The following GALNT13 variants were observed in gnomAD, a reference collection of about 807,000 sequenced individuals.
GALNT13 encodes the protein polypeptide N-acetylgalactosaminyltransferase 13.
A neutral mutation model predicts 64.2 loss-of-function variants in GALNT13; 28 were observed. The ratio of observed to expected loss-of-function variants is 0.44; its 90% CI spans 0.32 to 0.60. The LOEUF is 0.60. Ranked by LOEUF, GALNT13 falls within the 20% of genes least tolerant of loss-of-function variation. GALNT13 has a pLI of 0.05. For missense variants in GALNT13, 577 were observed against 669.8 expected (o/e 0.86, Z 1.53); for synonymous variants, 214 against 224.6 (o/e 0.95, Z 0.42).
chr2:154,084,337 A>G (rs1701421985), intron 3 of GALNT13, among the ~76,000 whole-genome samples: 1 of 151,898 alleles, frequency 6.6e-6, no homozygotes, highest in African/African-American at 2.4e-5. Flanking sequence ...CATAGTTTCT[A>G]CTATACCAGT....
the GALNT13 span, among the ~76,000 whole-genome samples, chr2:153,256,445 C>G: frequency 3.3e-5 from 5 of 152,140 alleles, no homozygotes; most frequent in Non-Finnish European, 5.9e-5. Context: ...ATTTGATCAT[C>G]TGAAGCCTTC....
chr2:153,192,450 A>C, the GALNT13 span, among the ~76,000 whole-genome samples: 1 of 151,012 alleles, frequency 6.6e-6, no homozygotes, highest in South Asian at 2.1e-4. Context: ...GTGGCCTAAC[A>C]TGTGGTCTAT....
At chr2:154,153,375 A>C (rs1684183399) in intron 4 of GALNT13, among the ~76,000 whole-genome samples, 1 of 152,172 alleles carries the variant, frequency 6.6e-6, no homozygotes, top group African/African-American at 2.4e-5. Flanking sequence ...CTCGGGGGTC[A>C]GGGGTCAGGG....
chr2:153,252,862 G>T, the GALNT13 span, among the ~76,000 whole-genome samples: 3 of 152,178 alleles, frequency 2.0e-5, no homozygotes, highest in African/African-American at 7.2e-5. Context: ...ACGCTGTTTT[G>T]GTTACTGTAG....
the GALNT13 span, among the ~76,000 whole-genome samples, chr2:153,845,862 AT>A: frequency 6.6e-6 from 1 of 152,216 alleles, no homozygotes; most frequent in Non-Finnish European, 1.5e-5. Flanking sequence ...CAGGAAAAAA[AT>A]GTGTATTATT....
At chr2:153,651,463 C>T in the GALNT13 span, among the ~76,000 whole-genome samples, 1 of 152,078 alleles carries the variant, frequency 6.6e-6, no homozygotes, top group Non-Finnish European at 1.5e-5. Context: ...GTATCATGTC[C>T]GTTGTTCTTT....
At chr2:154,029,705 A>T (rs1698219504) in intron 3 of GALNT13, among the ~76,000 whole-genome samples, 1 of 152,206 alleles carries the variant, frequency 6.6e-6, no homozygotes, top group African/African-American at 2.4e-5. Context: ...TGCCAAAATA[A>T]AAAGAATTTT....
Position 154,217,864 on chromosome 2 carries a change from A to G in GALNT13, c.312-24166A>G, listed in dbSNP as rs188547534. On this transcript the variant is annotated intron_variant, in intron 4 of 12. Transcript: ENST00000392825. The stretch of plus-strand genomic sequence containing the variant: ...AAAAGAGTGTGTGTGAACAGAATTT[A>G]TATGCACTTAATCACCTCTGGACTT... 7.2e-4 allele frequency among the ~76,000 whole-genome samples: 110 copies of G among 152,224 alleles called. 1 individual carries two copies. Among genetic ancestry groups the G allele is most frequent in the Admixed American group, 2.0e-3 (30 of 15,258 alleles).
chr2:154,079,353 G>A (rs1701152337), intron 3 of GALNT13, among the ~76,000 whole-genome samples: 1 of 151,624 alleles, frequency 6.6e-6, no homozygotes, highest in Non-Finnish European at 1.5e-5. Context: ...GAAAAAGCTG[G>A]CCTTTCAATC....
At chr2:153,470,548 A>C in the GALNT13 span, among the ~76,000 whole-genome samples, 1 of 152,002 alleles carries the variant, frequency 6.6e-6, no homozygotes, top group African/African-American at 2.4e-5. Flanking sequence ...TTTTCTTACC[A>C]TGTGGAGAGA....
At chr2:153,676,262 A>G in the GALNT13 span, among the ~76,000 whole-genome samples, 2 of 152,172 alleles carry the variant, frequency 1.3e-5, no homozygotes, top group African/African-American at 4.8e-5. Flanking sequence ...TAGAAAATCT[A>G]GAATAAATGT....
the GALNT13 span, among the ~76,000 whole-genome samples, chr2:153,690,059 TAA>T: frequency 1.3e-5 from 2 of 152,122 alleles, no homozygotes; most frequent in Non-Finnish European, 2.9e-5. Context: ...TTCTGATCTG[TAA>T]AATCTACAAT....
the GALNT13 span, among the ~76,000 whole-genome samples, chr2:153,670,398 C>G: frequency 6.6e-6 from 1 of 152,178 alleles, no homozygotes; most frequent in Non-Finnish European, 1.5e-5. Flanking sequence ...TGGTGATACC[C>G]AGGCAAACAG....
chr2:154,342,063 A>C (rs1000885800), intron 9 of GALNT13, among the ~76,000 whole-genome samples: 2 of 152,062 alleles, frequency 1.3e-5, no homozygotes, highest in Non-Finnish European at 2.9e-5. Flanking sequence ...GATTGAGTCT[A>C]GTTTTGGATG....
At chr2:153,193,270 T>C in the GALNT13 span, among the ~76,000 whole-genome samples, 27 of 151,732 alleles carry the variant, frequency 1.8e-4, no homozygotes, top group Non-Finnish European at 7.4e-5. Flanking sequence ...TATGCAGCCA[T>C]AAAAAATGAT....
the GALNT13 span, among the ~76,000 whole-genome samples, chr2:153,238,408 GTTCAGTATCCTGGACAGT>G: frequency 2.6e-5 from 4 of 151,974 alleles, no homozygotes; most frequent in Non-Finnish European, 5.9e-5. Flanking sequence ...TCTTCACCTA[GTTCAGTATCCTGGACAGT>G]TTCCCCAGTG....
At chr2:154,232,774 T>C (rs1441864373) in intron 4 of GALNT13, among the ~76,000 whole-genome samples, 1 of 151,884 alleles carries the variant, frequency 6.6e-6, no homozygotes, top group Middle Eastern at 3.2e-3. Context: ...GGCTCAGGCC[T>C]GTAATACTAG....
chr2:153,069,223 G>A, the GALNT13 span, among the ~76,000 whole-genome samples: 1 of 152,154 alleles, frequency 6.6e-6, no homozygotes, highest in African/African-American at 2.4e-5. Context: ...CATTGCTACT[G>A]CTGCATTTTT....
At chr2:153,823,425 G>C in the GALNT13 span, among the ~76,000 whole-genome samples, 2 of 152,022 alleles carry the variant, frequency 1.3e-5, no homozygotes, top group Non-Finnish European at 2.9e-5. Context: ...CAAAACAGAC[G>C]CATAGACCAG....
Sources: gnomAD v4.1 joint callset for allele counts (sites outside exome capture counted in the v4.1 genomes callset) on GRCh38, gnomAD v4.1.1 for gene constraint, MANE v1.5 for transcripts, NCBI Gene and HGNC (gene_info 2026-07-23, HGNC 2026-07-21) for gene names.